Variants in NCAM2 observed in about 807,000 individuals in gnomAD.
NCAM2 encodes N-CAM-2.
NCAM2 carries 30 observed loss-of-function variants against 98.1 expected under a neutral mutation model. The observed-to-expected ratio is 0.31, with a 90% CI of 0.23 to 0.41. The LOEUF (loss-of-function observed/expected upper bound fraction) is 0.41, where lower values mean the gene tolerates loss of function less well. Ranked by LOEUF, NCAM2 falls within the 10% of genes least tolerant of loss-of-function variation. The pLI, the probability that NCAM2 is intolerant of heterozygous loss-of-function variation, is 1.00. For synonymous variants in NCAM2, 368 were observed against 342.4 expected, an observed-to-expected ratio of 1.07 and a Z score of -0.83; for missense variants, 867 against 1,005.8, an observed-to-expected ratio of 0.86 and a Z score of 1.87.
intron 12 of NCAM2, among the ~76,000 whole-genome samples, chr21:21,455,651 ATTAT>A (rs1982036595): frequency 6.6e-6 from 1 of 152,060 alleles, no homozygotes; most frequent in Non-Finnish European, 1.5e-5. Context: ...TATTTGAATT[ATTAT>A]TTAGGAATAC....
intron 15 of NCAM2, among the ~76,000 whole-genome samples, chr21:21,493,896 C>T (rs1186391481): frequency 6.6e-6 from 1 of 151,872 alleles, no homozygotes; most frequent in Non-Finnish European, 1.5e-5. Flanking sequence ...TAGCTGGTAG[C>T]ATAAAATGTC....
rs141672289 is a variant in NCAM2, at chr21:21,152,322, C to T, written c.56-128256C>T. On this transcript the variant is annotated intron_variant, in intron 1 of 17. Coordinates refer to ENST00000400546, the MANE Select transcript of NCAM2 (RefSeq NM_004540.5). ...CTTTATCCTGATTTATATTTTCCTT[C>T]AAATCCTCGAATATATATGCTAATT... Among the ~76,000 whole-genome samples the T allele has an allele frequency of 3.7e-3, 555 of 152,032 alleles. 5 individuals are homozygous for T. The highest frequency in any genetic ancestry group is 0.013 in the African/African-American group (524 of 41,508).
rs141270784 is a variant in NCAM2 at position 21,480,786 on chromosome 21, A to G, written c.2077+3315A>G. On this transcript the variant is annotated intron_variant, in intron 15 of 17. Coordinates refer to ENST00000400546, the MANE Select transcript of NCAM2 (RefSeq NM_004540.5). ...AGAACGAAAAATTTCCTGACACATT[A>G]TAAGTGTAGACTAACGCTGCCTTTG... 3.1e-3 allele frequency among the ~76,000 whole-genome samples: 479 copies of G among 152,360 alleles called. 1 individual carries two copies. Among genetic ancestry groups the G allele is most frequent in the Non-Finnish European group, 5.1e-3 (349 of 68,032 alleles).
intron 1 of NCAM2, among the ~76,000 whole-genome samples, chr21:21,236,756 A>ATGTGTGTGTGTGTG (rs35816689): frequency 8.0e-5 from 12 of 150,002 alleles, no homozygotes; most frequent in African/African-American, 2.7e-4. Context: ...ATCAGTACAT[A>ATGTGTGTGTGTGTG]TGTGTGTGTG....
At chr21:21,444,581 G>A (rs1979809407) in intron 12 of NCAM2, among the ~76,000 whole-genome samples, 1 of 152,112 alleles carries the variant, frequency 6.6e-6, no homozygotes, top group Non-Finnish European at 1.5e-5. Flanking sequence ...ATGTGTCCAG[G>A]AATTTATCCA....
chr21:21,284,110 T>C (rs2073018705), intron 2 of NCAM2, 84 bp from the exon 3 acceptor site: 5 of 1,041,384 alleles, frequency 4.8e-6, no homozygotes, highest in South Asian at 1.4e-5. Context: ...AAATGGTTAA[T>C]ATTATTACAT....
chr21:21,082,228 A>ATTTT (rs1569003034), intron 1 of NCAM2, among the ~76,000 whole-genome samples: 94 of 149,502 alleles, frequency 6.3e-4, no homozygotes, highest in African/African-American at 2.2e-3. Flanking sequence ...AATCCTTTAA[A>ATTTT]AAAAAAAAAA....
At chr21:21,270,576 G>A (rs1291113890) in intron 1 of NCAM2, among the ~76,000 whole-genome samples, 4 of 152,090 alleles carry the variant, frequency 2.6e-5, no homozygotes, top group African/African-American at 9.7e-5. Flanking sequence ...CTTATGTTTG[G>A]AGTTGTGACT....
At chr21:21,204,909 C>T (rs543586727) in intron 1 of NCAM2, among the ~76,000 whole-genome samples, 4 of 151,866 alleles carry the variant, frequency 2.6e-5, no homozygotes, top group African/African-American at 9.6e-5. Flanking sequence ...GTAGATATTT[C>T]CACTTTCCGT....
At chr21:21,184,556 T>C (rs779770022) in intron 1 of NCAM2, among the ~76,000 whole-genome samples, 1 of 152,110 alleles carries the variant, frequency 6.6e-6, no homozygotes, top group Non-Finnish European at 1.5e-5. Flanking sequence ...TGAATACATA[T>C]TGTTAAGCTC....
chr21:21,509,060 G>C lies in NCAM2; in HGVS notation c.2282+5G>C. 6.2e-7 allele frequency: 1 copy of C among 1,613,180 alleles called. No homozygotes were observed. Among genetic ancestry groups the C allele is most frequent in the Non-Finnish European group, 8.5e-7 (1 of 1,179,600 alleles). On this transcript the variant is annotated splice_donor_5th_base_variant and intron_variant, in intron 16 of 17. Coordinates refer to ENST00000400546, the MANE Select transcript of NCAM2 (RefSeq NM_004540.5). ...AGAAGGAAAAGCTGCATACCTGTGA[G>C]TATCAGGCATCTACATCATGTCATA... is the stretch of plus-strand genomic sequence containing the variant.
At chr21:21,119,427 A>G (rs538033013) in intron 1 of NCAM2, among the ~76,000 whole-genome samples, 4 of 152,260 alleles carry the variant, frequency 2.6e-5, no homozygotes, top group Admixed American at 6.5e-5. Flanking sequence ...ATTTTTTGCT[A>G]TTCTCTAAGG....
At chr21:21,341,518 C>G (rs1176928142) in intron 8 of NCAM2, among the ~76,000 whole-genome samples, 3 of 151,988 alleles carry the variant, frequency 2.0e-5, no homozygotes, top group Admixed American at 1.3e-4. Context: ...CAAAACTAAA[C>G]TAAAATTTCC....
At chr21:21,464,148 G>A (rs753912197) in intron 12 of NCAM2, among the ~76,000 whole-genome samples, 2 of 152,104 alleles carry the variant, frequency 1.3e-5, no homozygotes, top group African/African-American at 2.4e-5. Context: ...CATCACCAAC[G>A]CAGCCAAGTC....
chr21:21,309,973 C>T (rs780652220), intron 5 of NCAM2, among the ~76,000 whole-genome samples: 10 of 152,244 alleles, frequency 6.6e-5, no homozygotes, highest in South Asian at 2.1e-4. Context: ...ATTGGGTATA[C>T]GTTTCTGCAT....
intron 1 of NCAM2, among the ~76,000 whole-genome samples, chr21:21,237,433 G>A (rs574225357): frequency 2.0e-5 from 3 of 152,158 alleles, no homozygotes; most frequent in African/African-American, 7.2e-5. Flanking sequence ...AACATTGTGA[G>A]TACTATTTTC....
intron 1 of NCAM2, among the ~76,000 whole-genome samples, chr21:21,111,286 A>C (rs1388490776): frequency 6.6e-6 from 1 of 152,180 alleles, no homozygotes; most frequent in Non-Finnish European, 1.5e-5. Flanking sequence ...TTTAAAATGT[A>C]AGTCTGTATT....
intron 1 of NCAM2, among the ~76,000 whole-genome samples, chr21:21,116,795 C>A (rs2066569931): frequency 6.6e-6 from 1 of 151,686 alleles, no homozygotes; most frequent in Non-Finnish European, 1.5e-5. Context: ...GCGGAGCTTG[C>A]AGTGAGCCGA....
chr21:21,236,215 C>T (rs977205112), intron 1 of NCAM2, among the ~76,000 whole-genome samples: 1 of 152,122 alleles, frequency 6.6e-6, no homozygotes, highest in East Asian at 1.9e-4. Context: ...AAGATGTTAT[C>T]TCTGTCTTTT....
Sources: allele counts gnomAD v4.1 joint callset (sites outside exome capture counted in the v4.1 genomes callset), GRCh38; gene constraint gnomAD v4.1.1; transcripts MANE v1.5; gene names NCBI Gene and HGNC (gene_info 2026-07-23, HGNC 2026-07-21).